The following DCN variants were observed in gnomAD, a reference collection of about 807,000 sequenced individuals.
The protein encoded by DCN is bone proteoglycan II.
Under a neutral mutation model 36.5 loss-of-function variants are expected in DCN, and 17 were observed. That is an observed-to-expected ratio of 0.47 (90% confidence interval 0.32 to 0.70). The LOEUF (loss-of-function observed/expected upper bound fraction) is 0.70, where lower values mean the gene tolerates loss of function less well. Ranked by LOEUF, DCN falls within the 30% of genes least tolerant of loss-of-function variation. The pLI, the probability that DCN is intolerant of heterozygous loss-of-function variation, is 0.04. For missense variants in DCN, 389 were observed against 430.1 expected (o/e 0.90, Z 0.84); for synonymous variants, 163 against 161.4 (o/e 1.01, Z -0.07).
At position 91,144,822 on chromosome 12, in the gene DCN, G is replaced by T. The variant is rs1406655677; in HGVS notation, c.*1236C>A. 1 of 151,984 alleles carries T rather than the reference G, an allele frequency of 6.6e-6. No homozygotes were observed. The highest frequency in any genetic ancestry group is 1.5e-5 in the Non-Finnish European group (1 of 67,994). 9.4% of individuals were successfully genotyped at this position (151,984 alleles called of 1,614,324 possible). On this transcript the variant is annotated 3_prime_UTR_variant, in exon 8 of 8. Coordinates refer to ENST00000052754, the MANE Select transcript of DCN (RefSeq NM_001920.5). ...TTTCATGTTCCACTGCACTCATTCTGCTACTATTAGCAGAATTGATTACCT... is the reference window on the plus strand; with the variant it reads ...TTTCATGTTCCACTGCACTCATTCTTCTACTATTAGCAGAATTGATTACCT...
At position 91,182,761 on chromosome 12, in the gene DCN, T is replaced by G. The variant is rs918793783; in HGVS notation, c.-140A>C. 6.6e-6 allele frequency: 1 copy of G among 151,758 alleles called. No homozygotes were observed. The highest frequency in any genetic ancestry group is 1.5e-5 in the Non-Finnish European group (1 of 67,954). The allele number at this position is 151,758 out of a possible 1,614,324, so 9.4% of individuals were successfully genotyped here. A position where few individuals can be genotyped will look rare whatever the true frequency, so the allele number is the denominator to read the frequency against. ...TGCAGGTGTGGAAAGGAGGAGGGGGTAGGTGCTGCTCTGTGACTAGGTTGA... is the reference window on the plus strand; with the variant it reads ...TGCAGGTGTGGAAAGGAGGAGGGGGGAGGTGCTGCTCTGTGACTAGGTTGA... On this transcript the variant is annotated 5_prime_UTR_variant, in exon 1 of 8. Transcript: ENST00000052754.
chr12:91,156,688 C>T (rs1881796719), intron 5 of DCN, among the ~76,000 whole-genome samples: 1 of 144,978 alleles, frequency 6.9e-6, no homozygotes, highest in Non-Finnish European at 1.5e-5. Context: ...GAGGTACTCC[C>T]ATATATCTTT....
At chr12:91,153,211 G>A in intron 5 of DCN, 22 bp from the exon 6 acceptor site, 1 of 1,311,588 alleles carries the variant, frequency 7.6e-7, no homozygotes, top group Non-Finnish European at 1.1e-6. Context: ...AATTAAAGAT[G>A]TTAAATTAGC....
At chr12:91,169,829 C>T (rs1882834585) in intron 2 of DCN, 1 of 155,926 alleles carries the variant, frequency 6.4e-6, no homozygotes, top group Non-Finnish European at 1.4e-5. Context: ...TTTGGGAAGC[C>T]GAGGCGGGTG....
At chr12:91,155,196 C>T (rs1044432835) in intron 5 of DCN, among the ~76,000 whole-genome samples, 3 of 152,110 alleles carry the variant, frequency 2.0e-5, no homozygotes, top group Non-Finnish European at 2.9e-5. Context: ...CCATCTCTGC[C>T]GCTTCCTAGC....
At chr12:91,160,924 C>G (rs1882117309) in intron 3 of DCN, among the ~76,000 whole-genome samples, 1 of 152,116 alleles carries the variant, frequency 6.6e-6, no homozygotes. Flanking sequence ...ACACACACCA[C>G]TCATAATGAA....
intron 7 of DCN, among the ~76,000 whole-genome samples, chr12:91,147,147 A>T (rs530649830): frequency 2.0e-5 from 3 of 152,260 alleles, no homozygotes; most frequent in African/African-American, 7.2e-5. Flanking sequence ...ATCCTACATG[A>T]TCTGACATCC....
chr12:91,155,561 C>T (rs1464014503), intron 5 of DCN, among the ~76,000 whole-genome samples: 1 of 152,000 alleles, frequency 6.6e-6, no homozygotes, highest in Non-Finnish European at 1.5e-5. Flanking sequence ...TGAGATTGTG[C>T]TAAATGTAAG....
chr12:91,157,124 C>A lies in DCN; in HGVS notation c.603G>T (p.Lys201Asn), dbSNP rs1234610105. The A allele has an allele frequency of 6.2e-7, 1 of 1,613,522 alleles. No individual in the cohort carries two copies. The highest frequency in any genetic ancestry group is 8.5e-7 in the Non-Finnish European group (1 of 1,179,682). Residue 201 changes from lysine (K) to asparagine (N), a missense_variant, in exon 5 of 8, where the codon AAG becomes AAT. Coordinates refer to ENST00000052754, the MANE Select transcript of DCN (RefSeq NM_001920.5). ...TATCAGCAATGCGGATGTAGGAGAG[C>A]TTCTTCATTCCCTGGAAAGCCCCAT... ...IENGAFQGMKKLSYIRIADTN... is the reference protein window; with the variant it reads ...IENGAFQGMKNLSYIRIADTN...
intron 1 of DCN, among the ~76,000 whole-genome samples, chr12:91,181,438 T>C (rs1868398422): frequency 6.6e-6 from 1 of 152,050 alleles, no homozygotes. Flanking sequence ...GCTGTCCAAG[T>C]AGTAACCAAA....
At chr12:91,166,987 C>A (rs376972148) in intron 2 of DCN, among the ~76,000 whole-genome samples, 36 of 151,950 alleles carry the variant, frequency 2.4e-4, no homozygotes, top group African/African-American at 8.4e-4. Flanking sequence ...TACAATAACC[C>A]AATGAGATAG....
rs200754930 is a variant in DCN at position 91,158,367 on chromosome 12, C to T, written c.467G>A (p.Arg156His). Reference protein sequence around the residue: ...EKMPKTLQELRAHENEITKVR... With the variant: ...EKMPKTLQELHAHENEITKVR... ...TTTGGTGATCTCATTCTCATGGGCA[C>T]GCAGCTCCTGAAGAGTTTTGGGCAT... The change falls in exon 4 of 8, where the codon CGT (arginine) becomes CAT (histidine). Residue 156 changes from arginine (R) to histidine (H), a missense_variant. Coordinates refer to ENST00000052754, the MANE Select transcript of DCN (RefSeq NM_001920.5). 69 of 1,613,696 alleles carry T rather than the reference C, an allele frequency of 4.3e-5. No homozygotes were observed. Among genetic ancestry groups the T allele is most frequent in the Non-Finnish European group, 4.7e-5 (56 of 1,179,618 alleles).
At chr12:91,173,294 G>C (rs1291895798) in intron 2 of DCN, among the ~76,000 whole-genome samples, 1 of 152,098 alleles carries the variant, frequency 6.6e-6, no homozygotes, top group Admixed American at 6.6e-5. Flanking sequence ...ATGAATCACA[G>C]CTGCAATCTC....
Position 91,175,917 on chromosome 12 carries a change from C to T in DCN, c.211+2425G>A. The T allele has an allele frequency of 1.3e-5, 2 of 152,186 alleles. 1 individual carries two copies. 9.4% of individuals were successfully genotyped at this position (152,186 alleles called of 1,614,324 possible). Reference sequence around the variant, plus strand: ...TTCATCTGTTACTGCATATAATCATCATATAATTTTAACACTGCATGAAGC... The same window carrying T: ...TTCATCTGTTACTGCATATAATCATTATATAATTTTAACACTGCATGAAGC... On this transcript the variant is annotated intron_variant, in intron 2 of 7. Transcript: ENST00000052754.
intron 3 of DCN, among the ~76,000 whole-genome samples, chr12:91,160,330 G>A (rs887207710): frequency 4.0e-5 from 6 of 151,870 alleles, no homozygotes; most frequent in Non-Finnish European, 5.9e-5. Flanking sequence ...TTGAAAGTGT[G>A]ATATAATTAG....
intron 2 of DCN, 106 bp from the exon 3 acceptor site, chr12:91,164,823 A>G (rs1259519807): frequency 1.4e-6 from 1 of 697,500 alleles, no homozygotes; most frequent in Non-Finnish European, 2.6e-6. Flanking sequence ...GATCATCTTA[A>G]CAGTAACAAC....
Position 91,151,771 on chromosome 12 carries a change from GC to G in DCN, c.767del (p.Ser256ThrfsTer16). ...GAGAGCCATTGTCAACAGCAGAGAT[GC>G]TGTTGAAACTCAATCCCAACCTGCA... Reference protein sequence around the residue: ...NLAKLGLSFNSISAVDNGSLA... With the variant: ...NLAKLGLSFNXISAVDNGSLA... On this transcript the variant is annotated frameshift_variant, in exon 7 of 8. Transcript: ENST00000052754. LOFTEE classifies it high-confidence loss of function. The G allele has an allele frequency of 6.2e-7, 1 of 1,614,048 alleles. No individual in the cohort carries two copies. Among genetic ancestry groups the G allele is most frequent in the East Asian group, 2.2e-5 (1 of 44,880 alleles).
chr12:91,160,547 C>T (rs1024310172), intron 3 of DCN, among the ~76,000 whole-genome samples: 1 of 151,938 alleles, frequency 6.6e-6, no homozygotes, highest in Admixed American at 6.6e-5. Context: ...GAATCTCAAG[C>T]TCTGGGTCTT....
At chr12:91,180,516 A>C (rs1428141744) in intron 1 of DCN, 1 of 152,158 alleles carries the variant, frequency 6.6e-6, no homozygotes, top group Admixed American at 6.6e-5. Context: ...TCAGTTTCTT[A>C]CATGTTTGTT....
Sources: gnomAD v4.1 joint callset for allele counts (sites outside exome capture counted in the v4.1 genomes callset) on GRCh38, gnomAD v4.1.1 for gene constraint, MANE v1.5 for transcripts, NCBI Gene and HGNC (gene_info 2026-07-23, HGNC 2026-07-21) for gene names.